The following LVRN variants were observed in gnomAD, a reference collection of about 807,000 sequenced individuals.
The protein encoded by LVRN is laeverin.
LVRN carries 99 observed loss-of-function variants against 111.4 expected under a neutral mutation model. That is an observed-to-expected ratio of 0.89 (90% CI 0.76 to 1.05). LVRN has a LOEUF of 1.05. Ranked by LOEUF, LVRN falls within the 50% of genes least tolerant of loss-of-function variation. The pLI is 0.00. For missense variants in LVRN, 1,414 were observed against 1,206.8 expected, an observed-to-expected ratio of 1.17 and a Z score of -2.54; for synonymous variants, 488 against 449.5, an observed-to-expected ratio of 1.09 and a Z score of -1.08.
At chr5:115,970,661 A>G (rs1034030323) in intron 1 of LVRN, among the ~76,000 whole-genome samples, 2 of 152,024 alleles carry the variant, frequency 1.3e-5, no homozygotes, top group African/African-American at 4.8e-5. Flanking sequence ...CTGGGATTAC[A>G]GGTGTGAGCC....
At chr5:115,984,507 T>A (rs1747803915) in intron 2 of LVRN, 63 bp from the exon 3 acceptor site, 1 of 1,573,378 alleles carries the variant, frequency 6.4e-7, no homozygotes, top group African/African-American at 1.4e-5. Context: ...ACTTGACAAA[T>A]TATTTCAAAG....
intron 10 of LVRN, 31 bp downstream of exon 10, chr5:116,001,270 C>T (rs188697071): frequency 1.2e-6 from 2 of 1,609,720 alleles, no homozygotes; most frequent in South Asian, 1.1e-5. Flanking sequence ...TTGTCTTCAC[C>T]TTCCTTGGGG....
chr5:115,974,019 A>G (rs1321049235), intron 1 of LVRN, among the ~76,000 whole-genome samples: 1 of 152,154 alleles, frequency 6.6e-6, no homozygotes, highest in Non-Finnish European at 1.5e-5. Flanking sequence ...CTTTGGGAAC[A>G]CCTTTTTCAA....
chr5:115,985,037 G>A (rs561452194), intron 3 of LVRN, among the ~76,000 whole-genome samples: 2 of 152,280 alleles, frequency 1.3e-5, no homozygotes, highest in South Asian at 2.1e-4. Context: ...CTTGATGTTT[G>A]CGTTTAGTAT....
In LVRN at chr5:116,001,228, T is replaced by C. The variant is rs750115800; in HGVS notation, c.1809T>C (p.Leu603=). 6.8e-6 allele frequency: 11 copies of C among 1,613,388 alleles called. No individual in the cohort carries two copies. The African/African-American group carries it at 1.3e-4, about 20-fold the overall frequency. The change falls in exon 10 of 20, where the codon CTT becomes CTC. Residue 603 remains leucine (L), a synonymous_variant. Coordinates refer to ENST00000357872, the MANE Select transcript of LVRN (RefSeq NM_173800.5). The part of the protein sequence containing the change: ...FYLENIKNRT[L]LTSNDTWIVP... ...TTGAAAACATTAAAAATCGGACTCTTCTAACCAGCAAGTAGGTAGCTTTGC... is the reference window on the plus strand; with the variant it reads ...TTGAAAACATTAAAAATCGGACTCTCCTAACCAGCAAGTAGGTAGCTTTGC...
chr5:115,970,549 A>AT (rs1294841764), intron 1 of LVRN, among the ~76,000 whole-genome samples: 34 of 149,026 alleles, frequency 2.3e-4, no homozygotes, highest in Non-Finnish European at 3.6e-4. Context: ...CACCTGGCTA[A>AT]TTTTTTTTTT....
In LVRN at chr5:116,026,007, G is replaced by A; in HGVS notation, c.2862G>A (p.Glu954=). ...AGCAGTTTTTCAGTAACATGTTGGA[G>A]GAACACCAGAGGATCAGAGTTCATG... ...ELQQFFSNML[E]EHQRIRVHAN... The change falls in exon 20 of 20, where the codon GAG becomes GAA. Residue 954 remains glutamate, a synonymous_variant. Coordinates refer to ENST00000357872, the MANE Select transcript of LVRN (RefSeq NM_173800.5). 6.2e-7 allele frequency: 1 copy of A among 1,613,794 alleles called. No homozygotes were observed. The highest frequency in any genetic ancestry group is 8.5e-7 in the Non-Finnish European group (1 of 1,179,828).
chr5:116,012,281 A>G (rs1365549854), intron 14 of LVRN, 93 bp from the exon 15 acceptor site: 2 of 702,436 alleles, frequency 2.8e-6, no homozygotes, highest in East Asian at 2.9e-5. Context: ...CCACTTGTCT[A>G]TCAATGTCTT....
Position 116,000,937 on chromosome 5 carries a change from A to G in LVRN, c.1648-130A>G, listed in dbSNP as rs1436520219. The G allele has an allele frequency of 7.7e-6, 8 of 1,033,072 alleles. No homozygotes were observed. In the Admixed American group the frequency reaches 8.1e-5, roughly 11 times the overall value. The allele number at this position is 1,033,072 out of a possible 1,614,324, so 64.0% of individuals were successfully genotyped here. On this transcript the variant is annotated intron_variant, in intron 9 of 19. Coordinates refer to ENST00000357872, the MANE Select transcript of LVRN (RefSeq NM_173800.5). ...AAACAGAGTTCTAAATTTGCCCCAGAGGATCACCCACTGCAGGACTACTAC... is the reference window on the plus strand; with the variant it reads ...AAACAGAGTTCTAAATTTGCCCCAGGGGATCACCCACTGCAGGACTACTAC...
At chr5:116,003,658 T>C (rs1004223239) in intron 12 of LVRN, among the ~76,000 whole-genome samples, 1 of 150,936 alleles carries the variant, frequency 6.6e-6, no homozygotes, top group East Asian at 2.0e-4. Context: ...CTCGGCTCAC[T>C]GCAAGCTCCG....
At chr5:115,993,362 T>C (rs1161884784) in intron 5 of LVRN, among the ~76,000 whole-genome samples, 1 of 152,158 alleles carries the variant, frequency 6.6e-6, no homozygotes, top group Non-Finnish European at 1.5e-5. Context: ...CTACTTAGAG[T>C]ATAAGGTGCT....
In LVRN at chr5:116,015,256, C is replaced by A. The variant is rs752651743; in HGVS notation, c.2455C>A (p.Pro819Thr). Reference sequence around the variant, plus strand: ...ATTTTATGTTATATTTTACAGAATACCTTATCCAATTAAAGATGTGGTTTT... The same window carrying A: ...ATTTTATGTTATATTTTACAGAATAACTTATCCAATTAAAGATGTGGTTTT... ...KWVDHPENEI[P>T]YPIKDVVLCY... The change falls in exon 17 of 20, where the codon CCT (proline) becomes ACT (threonine). Residue 819 changes from proline to threonine, a missense_variant. Pro to Thr is a conservative substitution (Grantham distance 38). Coordinates refer to ENST00000357872, the MANE Select transcript of LVRN (RefSeq NM_173800.5). 1.5e-5 allele frequency: 24 copies of A among 1,588,012 alleles called. No individual in the cohort carries two copies. The highest frequency in any genetic ancestry group is 1.2e-4 in the African/African-American group (9 of 73,614).
chr5:115,967,485 T>G (rs1753227984), intron 1 of LVRN, among the ~76,000 whole-genome samples: 1 of 152,220 alleles, frequency 6.6e-6, no homozygotes, highest in South Asian at 2.1e-4. Flanking sequence ...TCAACATAGG[T>G]GTTGATTCCT....
Position 116,002,841 on chromosome 5 carries a change from A to G in LVRN, c.1827A>G (p.Thr609=). The change falls in exon 11 of 20, where the codon ACA becomes ACG. Residue 609 remains threonine (T), a synonymous_variant. Coordinates refer to ENST00000357872, the MANE Select transcript of LVRN (RefSeq NM_173800.5). ...TTTATTTTCTTCCAATAAGTGACAC[A>G]TGGATTGTCCCTATTCTTTGGATAA... The part of the protein sequence containing the change: ...KNRTLLTSND[T]WIVPILWIKN... 1.2e-6 allele frequency: 2 copies of G among 1,605,206 alleles called. No homozygotes were observed. Among genetic ancestry groups the G allele is most frequent in the Non-Finnish European group, 1.7e-6 (2 of 1,173,164 alleles).
chr5:115,983,193 C>A (rs552696041), intron 1 of LVRN, 94 bp from the exon 2 acceptor site: 30 of 1,367,922 alleles, frequency 2.2e-5, no homozygotes, highest in Non-Finnish European at 2.7e-5. Context: ...CTCTAACACA[C>A]CAGGCTAACT....
chr5:115,984,567 T>C lies in LVRN; in HGVS notation c.839-3T>C, dbSNP rs1747805211. On this transcript the variant is annotated splice_region_variant and splice_polypyrimidine_tract_variant and intron_variant, in intron 2 of 19. Coordinates refer to ENST00000357872, the MANE Select transcript of LVRN (RefSeq NM_173800.5). The stretch of plus-strand genomic sequence containing the variant: ...TGATTTGAACTAAAATAAAATTCTC[T>C]AGGTCAGTCTGAAAAAGAAGATGTG... 3.7e-6 allele frequency: 6 copies of C among 1,613,128 alleles called. No individual in the cohort carries two copies. In the East Asian group the frequency reaches 1.1e-4, roughly 30 times the overall value.
At chr5:115,979,828 A>G (rs1190517655) in intron 1 of LVRN, among the ~76,000 whole-genome samples, 2 of 152,228 alleles carry the variant, frequency 1.3e-5, no homozygotes, top group Non-Finnish European at 1.5e-5. Flanking sequence ...TTGACCGGCT[A>G]TGCTATTCAG....
At chr5:115,977,965 G>C (rs564083372) in intron 1 of LVRN, among the ~76,000 whole-genome samples, 2 of 152,194 alleles carry the variant, frequency 1.3e-5, no homozygotes, top group Admixed American at 1.3e-4. Flanking sequence ...GATCAAATAA[G>C]GAAAGTGTGA....
intron 1 of LVRN, among the ~76,000 whole-genome samples, chr5:115,964,847 C>A (rs1403455461): frequency 6.6e-6 from 1 of 152,158 alleles, no homozygotes; most frequent in African/African-American, 2.4e-5. Context: ...GGTAGAGCTC[C>A]AAAATTGTGA....
Sources: allele counts gnomAD v4.1 joint callset (sites outside exome capture counted in the v4.1 genomes callset), GRCh38; gene constraint gnomAD v4.1.1; transcripts MANE v1.5; gene names NCBI Gene and HGNC (gene_info 2026-07-23, HGNC 2026-07-21).